Variants in RPP40 observed in about 807,000 individuals in gnomAD.
The protein encoded by RPP40 is ribonuclease P protein subunit p40.
In RPP40, 30 loss-of-function variants were observed where a neutral mutation model predicts 42.5. The ratio of observed to expected loss-of-function variants is 0.71; its 90% confidence interval spans 0.53 to 0.96. The LOEUF is 0.96. RPP40 is among the 40% of genes least tolerant of loss of function. The pLI is 0.00. For missense variants in RPP40, 426 were observed against 433.5 expected, an observed-to-expected ratio of 0.98 and a Z score of 0.15; for synonymous variants, 173 against 164.0, an observed-to-expected ratio of 1.05 and a Z score of -0.42.
chr6:4,992,259 C>T (rs939150813), downstream of RPP40, among the ~76,000 whole-genome samples: 2 of 151,752 alleles, frequency 1.3e-5, no homozygotes, highest in African/African-American at 2.4e-5. Flanking sequence ...ATCCCAGCTA[C>T]TCAAGAGGCT....
intron 4 of RPP40, among the ~76,000 whole-genome samples, chr6:4,999,049 C>T (rs779030181): frequency 1.3e-5 from 2 of 152,186 alleles, no homozygotes; most frequent in South Asian, 2.1e-4. Flanking sequence ...TAAAAACAGA[C>T]ATTTTCAATT....
downstream of RPP40, among the ~76,000 whole-genome samples, chr6:4,991,110 G>A (rs886660107): frequency 6.6e-6 from 1 of 151,572 alleles, no homozygotes; most frequent in African/African-American, 2.4e-5. Flanking sequence ...CCCAAATTTT[G>A]ATTCATTCAT....
At chr6:4,998,343 G>A (rs771959579) in intron 5 of RPP40, among the ~76,000 whole-genome samples, 1 of 152,332 alleles carries the variant, frequency 6.6e-6, no homozygotes, top group Non-Finnish European at 1.5e-5. Context: ...AGTACCCTGT[G>A]ATAATAAATA....
At chr6:5,001,669 A>T (rs1759562610) in intron 2 of RPP40, 1 of 163,512 alleles carries the variant, frequency 6.1e-6, no homozygotes, top group South Asian at 1.7e-4. Flanking sequence ...TAAGCAGAAG[A>T]CACTGGACCC....
chr6:4,991,176 T>C (rs1759257636), downstream of RPP40, among the ~76,000 whole-genome samples: 1 of 152,194 alleles, frequency 6.6e-6, no homozygotes. Flanking sequence ...TTATTCCTTT[T>C]CTTCTGCTTA....
chr6:5,003,211 G>C (rs1024569685), intron 1 of RPP40, among the ~76,000 whole-genome samples: 6 of 151,924 alleles, frequency 3.9e-5, no homozygotes, highest in Admixed American at 3.3e-4. Context: ...GCCGGGCGTG[G>C]TGGCGCGCGC....
intron 4 of RPP40, 117 bp downstream of exon 4, chr6:4,999,692 C>A: frequency 3.1e-6 from 2 of 637,734 alleles, no homozygotes; most frequent in Middle Eastern, 3.5e-4. Context: ...AGAAGTTTGA[C>A]AGATTTTTTT....
chr6:4,996,064 G>T lies in RPP40; in HGVS notation c.780C>A (p.Phe260Leu), dbSNP rs1759368259. The T allele has an allele frequency of 1.2e-6, 2 of 1,614,002 alleles. No individual in the cohort carries two copies. Among genetic ancestry groups the T allele is most frequent in the Middle Eastern group, 1.6e-4 (1 of 6,062 alleles). Residue 260 changes from phenylalanine to leucine, a missense_variant, in exon 7 of 8, where the codon TTC becomes TTA. Physicochemically the swap from Phe to Leu is conservative, Grantham distance 22. Transcript: ENST00000380051. The part of the protein sequence containing the change: ...NVDLNNEPNN[F>L]ISTYCCPEPS... ...GCTCAGGACAGCAATAGGTTGATAT[G>T]AAATTATTAGGCTCATTATTTCTGT...
intron 3 of RPP40, 49 bp downstream of exon 3, chr6:5,000,514 A>C: frequency 1.2e-6 from 1 of 819,272 alleles, no homozygotes. Context: ...TTTTTACAGT[A>C]TGCATTTTTT....
At chr6:4,995,926 G>A (rs377562596) in intron 7 of RPP40, 25 bp downstream of exon 7, 57 of 1,608,546 alleles carry the variant, frequency 3.5e-5, no homozygotes, top group Middle Eastern at 1.6e-4. Flanking sequence ...ACTGATGAGC[G>A]ATATAAAAGG....
downstream of RPP40, among the ~76,000 whole-genome samples, chr6:4,991,749 C>T (rs920529777): frequency 3.3e-5 from 5 of 152,064 alleles, no homozygotes; most frequent in South Asian, 2.1e-4. Flanking sequence ...CTGGGTGATA[C>T]GGTTTGGGTC....
chr6:4,990,431 G>C (rs1425233356), downstream of RPP40, among the ~76,000 whole-genome samples: 4 of 152,078 alleles, frequency 2.6e-5, no homozygotes, highest in African/African-American at 9.7e-5. Context: ...TTTGGCACTA[G>C]GATAATTCTG....
At chr6:4,990,998 T>C (rs1759252455), downstream of RPP40, among the ~76,000 whole-genome samples, 1 of 152,156 alleles carries the variant, frequency 6.6e-6, no homozygotes, top group African/African-American at 2.4e-5. Context: ...ATGCCACCTC[T>C]CTCATTCCTA....
At chr6:5,002,577 C>T (rs1759595480) in intron 1 of RPP40, among the ~76,000 whole-genome samples, 1 of 152,116 alleles carries the variant, frequency 6.6e-6, no homozygotes, top group African/African-American at 2.4e-5. Context: ...ATTTTATTTT[C>T]AAGGAAATAT....
chr6:4,996,179 GC>G (rs1561743313), intron 6 of RPP40, 42 bp downstream of exon 6: 1 of 1,606,202 alleles, frequency 6.2e-7, no homozygotes, highest in Non-Finnish European at 8.5e-7. Context: ...AAAACAAGCA[GC>G]AGGCCAGAGC....
chr6:5,003,820 A>G (rs1759666053), intron 1 of RPP40, 60 bp downstream of exon 1: 2 of 1,562,096 alleles, frequency 1.3e-6, no homozygotes, highest in Non-Finnish European at 8.7e-7. Flanking sequence ...ACTCTCCCCA[A>G]ACCTCTCTCG....
intron 1 of RPP40, 89 bp from the exon 2 acceptor site, chr6:5,002,334 TTA>T: frequency 8.6e-7 from 1 of 1,167,488 alleles, no homozygotes; most frequent in Non-Finnish European, 1.2e-6. Context: ...ATGAAAGTTG[TTA>T]TTTCTCCACG....
chr6:5,003,251 G>C (rs1176903099), intron 1 of RPP40, among the ~76,000 whole-genome samples: 2 of 148,226 alleles, frequency 1.3e-5, no homozygotes, highest in African/African-American at 5.0e-5. Flanking sequence ...GGAGGCTGAG[G>C]CAGGAGAATG....
chr6:5,003,723 C>A, intron 1 of RPP40, 157 bp downstream of exon 1: 1 of 906,198 alleles, frequency 1.1e-6, no homozygotes, highest in South Asian at 1.8e-5. Context: ...TGGCTTAGAG[C>A]AGTTAAGAGA....
Sources: allele counts gnomAD v4.1 joint callset (sites outside exome capture counted in the v4.1 genomes callset), GRCh38; gene constraint gnomAD v4.1.1; transcripts MANE v1.5; gene names NCBI Gene and HGNC (gene_info 2026-07-23, HGNC 2026-07-21).